PIEZO2: variants seen among roughly 807,000 people sequenced by gnomAD.
The protein encoded by PIEZO2 is piezo-type mechanosensitive ion channel component 2.
A neutral mutation model predicts 337.3 loss-of-function variants in PIEZO2; 172 were observed. That is an observed-to-expected ratio of 0.51 (90% CI 0.45 to 0.58). PIEZO2 has a LOEUF of 0.58. Ranked by LOEUF, PIEZO2 falls within the 20% of genes least tolerant of loss-of-function variation. The pLI, the probability that PIEZO2 is intolerant of heterozygous loss-of-function variation, is 0.00. For missense variants in PIEZO2, 3,028 were observed against 3,391.3 expected (o/e 0.89, Z 2.66); for synonymous variants, 1,251 against 1,228.5 (o/e 1.02, Z -0.38).
chr18:11,091,167 C>CCT (rs753424124), intron 1 of PIEZO2, among the ~76,000 whole-genome samples: 11 of 151,884 alleles, frequency 7.2e-5, no homozygotes, highest in Non-Finnish European at 1.5e-4. Context: ...GGGCGGATCA[C>CCT]GAGGTCAGGA....
In PIEZO2 at chr18:10,750,887, T is replaced by C. The variant is rs919408821; in HGVS notation, c.4168-700A>G. ...TTGCTCCAACAGCAGCAGTTACTCGTTATGGATTCCCCAGCCCTGGGAATA... is the reference window on the plus strand; with the variant it reads ...TTGCTCCAACAGCAGCAGTTACTCGCTATGGATTCCCCAGCCCTGGGAATA... On this transcript the variant is annotated intron_variant, in intron 28 of 55. Coordinates refer to ENST00000674853, the MANE Select transcript of PIEZO2 (RefSeq NM_001378183.1). This position sits in a 1 kb window ranked among gnomAD's most constrained non-coding sequence, Gnocchi z 4.1. Among the ~76,000 whole-genome samples the C allele has an allele frequency of 2.0e-5, 3 of 152,192 alleles. No individual in the cohort carries two copies. Among genetic ancestry groups the C allele is most frequent in the African/African-American group, 7.2e-5 (3 of 41,456 alleles).
At position 11,102,843 on chromosome 18, in the gene PIEZO2, C is replaced by T. The variant is rs1232858884; in HGVS notation, c.65-36621G>A. 6.6e-6 allele frequency among the ~76,000 whole-genome samples: 1 copy of T among 152,152 alleles called. No homozygotes were observed. Among genetic ancestry groups the T allele is most frequent in the Non-Finnish European group, 1.5e-5 (1 of 68,002 alleles). On this transcript the variant is annotated intron_variant, in intron 1 of 55. Coordinates refer to ENST00000674853, the MANE Select transcript of PIEZO2 (RefSeq NM_001378183.1). This position sits in a 1 kb window ranked among gnomAD's most constrained non-coding sequence, Gnocchi z 5.7. ...GTTCCAGGCCGGCCTCCTCTCCCTC[C>T]CAGGAGGCTGCCCCGTCCCCAAGGC...
At chr18:10,811,496 A>G (rs1195701806) in intron 7 of PIEZO2, among the ~76,000 whole-genome samples, 1 of 152,192 alleles carries the variant, frequency 6.6e-6, no homozygotes, top group Non-Finnish European at 1.5e-5. Context: ...GCAGAGATTA[A>G]CAGATGGAAA....
At position 11,106,959 on chromosome 18, in the gene PIEZO2, G is replaced by A. The variant is rs76936142; in HGVS notation, c.65-40737C>T. Reference sequence around the variant, plus strand: ...AGCTCAGGGACTTCCCTAAGCCCTGGGCAGATAGATCACTAAGCAGAGCTC... The same window carrying A: ...AGCTCAGGGACTTCCCTAAGCCCTGAGCAGATAGATCACTAAGCAGAGCTC... On this transcript the variant is annotated intron_variant, in intron 1 of 55. Transcript: ENST00000674853. Among the ~76,000 whole-genome samples, 1,222 of 152,248 alleles carry A rather than the reference G, an allele frequency of 8.0e-3. 17 individuals are homozygous for A. The highest frequency in any genetic ancestry group is 0.028 in the African/African-American group (1,146 of 41,550).
intron 7 of PIEZO2, among the ~76,000 whole-genome samples, chr18:10,822,167 C>T (rs1598534016): frequency 1.3e-5 from 2 of 152,204 alleles, no homozygotes; most frequent in African/African-American, 4.8e-5. Flanking sequence ...CTCTCAACGT[C>T]TGCATTTAAC....
At chr18:10,735,020 G>A (rs2036940950) in intron 35 of PIEZO2, among the ~76,000 whole-genome samples, 1 of 152,144 alleles carries the variant, frequency 6.6e-6, no homozygotes, top group African/African-American at 2.4e-5. Flanking sequence ...AGTTACTGGT[G>A]TCCACTTAAG....
chr18:10,886,343 T>TATATATATATATATATATATACACAC (rs561758653), intron 4 of PIEZO2, among the ~76,000 whole-genome samples: 1 of 23,712 alleles, frequency 4.2e-5, no homozygotes, highest in African/African-American at 3.1e-4. Context: ...TATATATATA[T>TATATATATATATATATATATACACAC]ACACACACAC....
chr18:10,867,706 C>T (rs2144766697), intron 5 of PIEZO2, among the ~76,000 whole-genome samples: 1 of 152,172 alleles, frequency 6.6e-6, no homozygotes, highest in South Asian at 2.1e-4. Flanking sequence ...GAATTGTAAG[C>T]ATAGGATTAT....
intron 1 of PIEZO2, among the ~76,000 whole-genome samples, chr18:11,118,385 G>A (rs1478891860): frequency 1.3e-5 from 2 of 152,168 alleles, no homozygotes; most frequent in African/African-American, 4.8e-5. Flanking sequence ...GAGATGCCTG[G>A]AGTGACAACT....
intron 42 of PIEZO2, among the ~76,000 whole-genome samples, chr18:10,703,922 ACTATGTC>A (rs2035451381): frequency 6.6e-6 from 1 of 152,210 alleles, no homozygotes; most frequent in East Asian, 1.9e-4. Flanking sequence ...ATGTATTCAA[ACTATGTC>A]CAAAGTGCCG....
Position 11,066,866 on chromosome 18 carries a change from A to G in PIEZO2, c.65-644T>C, listed in dbSNP as rs182599716. On this transcript the variant is annotated intron_variant, in intron 1 of 55. Transcript: ENST00000674853. Reference sequence around the variant, plus strand: ...CTGCCCACCTCAGCCTCCCAAAGTGATGGGATTACAGGCGTGAGCCACCGC... The same window carrying G: ...CTGCCCACCTCAGCCTCCCAAAGTGGTGGGATTACAGGCGTGAGCCACCGC... Among the ~76,000 whole-genome samples the G allele has an allele frequency of 1.1e-3, 175 of 152,298 alleles. 1 individual carries two copies. In the East Asian group the frequency reaches 0.025, roughly 22 times the overall value.
rs113242654 is a variant in PIEZO2 at position 11,070,178 on chromosome 18, A to T, written c.65-3956T>A. The stretch of plus-strand genomic sequence containing the variant: ...TGTAGCCTACTGCTCCTAGGCCAAA[A>T]ACCTATGCAGCATATGTTACTGTGC... On this transcript the variant is annotated intron_variant, in intron 1 of 55. Coordinates refer to ENST00000674853, the MANE Select transcript of PIEZO2 (RefSeq NM_001378183.1). This position sits in a 1 kb window ranked among gnomAD's most constrained non-coding sequence, Gnocchi z 4.3. Among the ~76,000 whole-genome samples the T allele has an allele frequency of 1.7e-3, 265 of 152,312 alleles. 1 individual carries two copies. Among genetic ancestry groups the T allele is most frequent in the African/African-American group, 5.7e-3 (236 of 41,562 alleles).
rs995572513 is a variant in PIEZO2, at chr18:11,146,189, C to T, written c.64+2336G>A. Reference sequence around the variant, plus strand: ...GATAAAGAAGGCAGCCCCAGGATCTCCTGGGCAGACTCAGCTGTCCCCGAG... The same window carrying T: ...GATAAAGAAGGCAGCCCCAGGATCTTCTGGGCAGACTCAGCTGTCCCCGAG... On this transcript the variant is annotated intron_variant, in intron 1 of 55. Coordinates refer to ENST00000674853, the MANE Select transcript of PIEZO2 (RefSeq NM_001378183.1). This position sits in a 1 kb window ranked among gnomAD's most constrained non-coding sequence, Gnocchi z 6.1. Among the ~76,000 whole-genome samples the T allele has an allele frequency of 1.3e-5, 2 of 152,122 alleles. No individual in the cohort carries two copies. The highest frequency in any genetic ancestry group is 4.8e-5 in the African/African-American group (2 of 41,418).
chr18:10,679,229 C>T (rs894349721), intron 52 of PIEZO2, among the ~76,000 whole-genome samples: 3 of 152,158 alleles, frequency 2.0e-5, no homozygotes, highest in Admixed American at 1.3e-4. Flanking sequence ...CCACCACAAT[C>T]GGCCTGAAAT....
In PIEZO2 at chr18:10,813,356, T is replaced by A. The variant is rs191686270; in HGVS notation, c.918-6082A>T. On this transcript the variant is annotated intron_variant, in intron 7 of 55. Coordinates refer to ENST00000674853, the MANE Select transcript of PIEZO2 (RefSeq NM_001378183.1). This position sits in a 1 kb window ranked among gnomAD's most constrained non-coding sequence, Gnocchi z 4.2. ...TGTTGCGAAACCAATCGCCAGAACT[T>A]TTTCATCTTGCAAAACTAAAATTCT... Among the ~76,000 whole-genome samples the A allele has an allele frequency of 6.6e-6, 1 of 152,288 alleles. No homozygotes were observed. Among genetic ancestry groups the A allele is most frequent in the Admixed American group, 6.5e-5 (1 of 15,298 alleles).
chr18:11,108,677 A>G (rs886272874), intron 1 of PIEZO2, among the ~76,000 whole-genome samples: 5 of 148,740 alleles, frequency 3.4e-5, no homozygotes, highest in Non-Finnish European at 7.4e-5. Context: ...TTTATAACAT[A>G]TTTTCATATA....
At chr18:10,722,414 TA>T (rs1052761625) in intron 36 of PIEZO2, among the ~76,000 whole-genome samples, 4 of 151,866 alleles carry the variant, frequency 2.6e-5, no homozygotes, top group African/African-American at 9.7e-5. Context: ...GTATTTTTAG[TA>T]GAGACAGGGT....
rs1329189164 is a variant in PIEZO2 at position 10,888,272 on chromosome 18, C to G, written c.330-16857G>C. On this transcript the variant is annotated intron_variant, in intron 4 of 55. Coordinates refer to ENST00000674853, the MANE Select transcript of PIEZO2 (RefSeq NM_001378183.1). This position sits in a 1 kb window ranked among gnomAD's most constrained non-coding sequence, Gnocchi z 4.1. ...ATAGACTGTATTTGAAACTACAATT[C>G]TGATGCTGAAATTGCCCCTGAGTTG... 6.6e-6 allele frequency among the ~76,000 whole-genome samples: 1 copy of G among 152,158 alleles called. No individual in the cohort carries two copies. The highest frequency in any genetic ancestry group is 1.5e-5 in the Non-Finnish European group (1 of 68,032).
At chr18:10,968,822 C>G (rs532616030) in intron 3 of PIEZO2, among the ~76,000 whole-genome samples, 1 of 152,142 alleles carries the variant, frequency 6.6e-6, no homozygotes, top group African/African-American at 2.4e-5. Flanking sequence ...CATGAATCAC[C>G]ATGAAATGTT....
Sources: gnomAD v4.1 joint callset for allele counts (sites outside exome capture counted in the v4.1 genomes callset) on GRCh38, gnomAD v4.1.1 for gene constraint, Gnocchi (gnomAD v3.1) non-coding constraint, MANE v1.5 for transcripts, NCBI Gene and HGNC (gene_info 2026-07-23, HGNC 2026-07-21) for gene names.